Variants in ZC4H2 observed in about 807,000 individuals in gnomAD.
ZC4H2 encodes zinc finger C4H2-type containing.
For synonymous variants in ZC4H2, 84 were observed against 66.3 expected (o/e 1.27, Z -1.30); for missense variants, 137 against 173.9 (o/e 0.79, Z 1.19).
chrX:64,995,921 G>T (rs1188918397), intron 1 of ZC4H2, among the ~76,000 whole-genome samples: 1 of 112,295 alleles, frequency 8.9e-6, no homozygotes, highest in Non-Finnish European at 1.9e-5. Context: ...TGAGGCAAAA[G>T]ATTAGCAATG....
rs758832940 is a variant in ZC4H2 at position 64,917,805 on chromosome X, G to A, written c.653C>T (p.Pro218Leu). ...AKSRSRNPKK[P>L]KRKQDE ...TCTTTATTCATCCTGCTTCCGTTTC[G>A]GCTTTTTGGGGTTCCGGGACCGACT... is the stretch of plus-strand genomic sequence containing the variant. The change falls in exon 5 of 5, where the codon CCG becomes CTG. Residue 218 changes from proline to leucine, a missense_variant. By Grantham distance (98) the Pro-to-Leu change is moderately conservative. Coordinates refer to ENST00000374839, the MANE Select transcript of ZC4H2 (RefSeq NM_018684.4). The A allele has an allele frequency of 5.0e-6, 6 of 1,209,068 alleles. No individual in the cohort carries two copies. In the African/African-American group the frequency reaches 5.3e-5, roughly 11 times the overall value.
At chrX:64,928,891 TC>T (rs1353087951) in intron 1 of ZC4H2, among the ~76,000 whole-genome samples, 3 of 98,452 alleles carry the variant, frequency 3.0e-5, no homozygotes, top group African/African-American at 1.3e-4. Context: ...TCTTTCTCCT[TC>T]TTTTTTTTTT....
In ZC4H2 at chrX:64,916,608, T is replaced by G. The variant is rs780739929; in HGVS notation, c.*1175A>C. ...GTACTGAGACCTGGGGCTAAAATTT[T>G]TTGTCAGTCAGCCCCCATCCCCATC... On this transcript the variant is annotated 3_prime_UTR_variant, in exon 5 of 5. Transcript: ENST00000374839. The G allele has an allele frequency of 6.5e-4, 73 of 111,787 alleles. 1 individual carries two copies. Among genetic ancestry groups the G allele is most frequent in the African/African-American group, 2.2e-3 (69 of 30,795 alleles). 9.2% of individuals were successfully genotyped at this position (111,787 alleles called of 1,213,427 possible).
chrX:64,948,852 T>C (rs1044634517), intron 1 of ZC4H2, among the ~76,000 whole-genome samples: 2 of 112,247 alleles, frequency 1.8e-5, no homozygotes, highest in Non-Finnish European at 3.8e-5. Context: ...GGCTAAATGA[T>C]TGTTTTAAAT....
intron 1 of ZC4H2, among the ~76,000 whole-genome samples, chrX:64,953,863 G>A (rs948163799): frequency 9.0e-6 from 1 of 111,289 alleles, no homozygotes; most frequent in African/African-American, 3.3e-5. Context: ...AAAGACACAT[G>A]CACACGTATG....
At chrX:65,021,515 T>A (rs1250275238) in intron 1 of ZC4H2, among the ~76,000 whole-genome samples, 2 of 111,295 alleles carry the variant, frequency 1.8e-5, no homozygotes, top group Non-Finnish European at 3.8e-5. Flanking sequence ...GGGACACATT[T>A]AAAGCAGTGT....
chrX:64,957,876 A>T (rs755564754), intron 1 of ZC4H2, among the ~76,000 whole-genome samples: 46 of 110,490 alleles, frequency 4.2e-4, no homozygotes, highest in Non-Finnish European at 8.1e-4. Context: ...ATAAAAAAAA[A>T]TAAAAATAAA....
intron 1 of ZC4H2, among the ~76,000 whole-genome samples, chrX:65,022,484 G>A (rs1352156902): frequency 3.6e-5 from 4 of 111,783 alleles, no homozygotes; most frequent in African/African-American, 1.3e-4. Context: ...ACCCCTTCAT[G>A]CTAAGAACTC....
At chrX:64,953,810 C>T (rs951024599) in intron 1 of ZC4H2, among the ~76,000 whole-genome samples, 1 of 111,375 alleles carries the variant, frequency 9.0e-6, no homozygotes, top group Non-Finnish European at 1.9e-5. Context: ...CAGCCATCCC[C>T]TTACTGGGTA....
At chrX:64,964,648 A>G (rs1239350572) in intron 1 of ZC4H2, among the ~76,000 whole-genome samples, 1 of 111,898 alleles carries the variant, frequency 8.9e-6, no homozygotes, top group Non-Finnish European at 1.9e-5. Context: ...GCAAACTTGC[A>G]CTACCACAAA....
intron 1 of ZC4H2, among the ~76,000 whole-genome samples, chrX:65,007,505 C>T (rs1932686619): frequency 8.9e-6 from 1 of 112,112 alleles, no homozygotes; most frequent in Admixed American, 9.5e-5. Context: ...CTCACATATA[C>T]AGTTGTTTTT....
chrX:64,923,438 C>T (rs1929293729), intron 1 of ZC4H2, among the ~76,000 whole-genome samples: 1 of 110,160 alleles, frequency 9.1e-6, no homozygotes, highest in Non-Finnish European at 1.9e-5. Flanking sequence ...TTTCTTCTCC[C>T]TCAGTAGCTG....
chrX:64,932,940 C>A (rs1478406762), intron 1 of ZC4H2, among the ~76,000 whole-genome samples: 1 of 111,473 alleles, frequency 9.0e-6, no homozygotes, highest in Non-Finnish European at 1.9e-5. Flanking sequence ...TCAATTATTC[C>A]CTCAAATAAG....
chrX:64,926,700 C>T (rs1304106752), intron 1 of ZC4H2, among the ~76,000 whole-genome samples: 1 of 112,189 alleles, frequency 8.9e-6, no homozygotes, highest in African/African-American at 3.2e-5. Context: ...GTCTTTGGTT[C>T]ATTTTCTAAC....
At chrX:65,008,234 G>C (rs1932699663) in intron 1 of ZC4H2, among the ~76,000 whole-genome samples, 2 of 112,040 alleles carry the variant, frequency 1.8e-5, no homozygotes, top group African/African-American at 6.5e-5. Flanking sequence ...CTATTTATCA[G>C]AGAAATGGAA....
chrX:64,999,880 T>G (rs748583925), intron 1 of ZC4H2, among the ~76,000 whole-genome samples: 7 of 112,293 alleles, frequency 6.2e-5, no homozygotes, highest in African/African-American at 1.9e-4. Context: ...GTAGCAAGAC[T>G]GCCCCTCTAG....
chrX:64,921,400 C>G (rs1485845583), intron 2 of ZC4H2, among the ~76,000 whole-genome samples: 1 of 111,621 alleles, frequency 9.0e-6, no homozygotes, highest in African/African-American at 3.3e-5. Flanking sequence ...TGAGGAAGCT[C>G]CACTTTGGTA....
intron 1 of ZC4H2, among the ~76,000 whole-genome samples, chrX:65,002,824 C>CAAG (rs1369686981): frequency 3.7e-5 from 4 of 109,449 alleles, no homozygotes; most frequent in Non-Finnish European, 7.6e-5. Flanking sequence ...AAGGGCGGTG[C>CAAG]AAGATGTGCT....
intron 1 of ZC4H2, among the ~76,000 whole-genome samples, chrX:64,955,205 G>T (rs1418510922): frequency 8.9e-6 from 1 of 111,933 alleles, no homozygotes; most frequent in Non-Finnish European, 1.9e-5. Flanking sequence ...ACCTTCAGGT[G>T]CATTTGGTTA....
Sources: allele counts gnomAD v4.1 joint callset (sites outside exome capture counted in the v4.1 genomes callset), GRCh38; gene constraint gnomAD v4.1.1; transcripts MANE v1.5; gene names NCBI Gene and HGNC (gene_info 2026-07-23, HGNC 2026-07-21).